Variants in SSBP1 observed in about 807,000 individuals in gnomAD.
The protein encoded by SSBP1 is single stranded DNA binding protein 1, also known as single-stranded DNA-binding protein, mitochondrial.
A neutral mutation model predicts 27.0 loss-of-function variants in SSBP1; 20 were observed. The ratio of observed to expected loss-of-function variants is 0.74; its 90% confidence interval spans 0.52 to 1.08. The LOEUF (loss-of-function observed/expected upper bound fraction) is 1.08, where lower values mean the gene tolerates loss of function less well. Among genes scored for constraint, SSBP1 ranks in the 50% least tolerant of loss-of-function variants. The pLI is 0.00. For synonymous variants in SSBP1, 59 were observed against 59.3 expected (o/e 1.00, Z 0.02); for missense variants, 137 against 182.4 (o/e 0.75, Z 1.44).
chr7:141,744,903 C>G (rs779592929), intron 5 of SSBP1, among the ~76,000 whole-genome samples: 1 of 152,062 alleles, frequency 6.6e-6, no homozygotes, highest in Admixed American at 6.6e-5. Context: ...CTATTGTCAT[C>G]TTTCCACTCT....
intron 3 of SSBP1, among the ~76,000 whole-genome samples, chr7:141,742,893 C>T (rs561447338): frequency 2.0e-5 from 3 of 152,094 alleles, no homozygotes; most frequent in Admixed American, 6.6e-5. Flanking sequence ...CTTGCTCTGT[C>T]GCCCAGGCTG....
chr7:141,746,671 G>C (rs1799802294), intron 6 of SSBP1: 1 of 152,138 alleles, frequency 6.6e-6, no homozygotes, highest in African/African-American at 2.4e-5. Context: ...ACAAAATACA[G>C]TACAACATAG....
intron 3 of SSBP1, among the ~76,000 whole-genome samples, chr7:141,742,737 T>A (rs1799592377): frequency 6.6e-6 from 1 of 152,272 alleles, no homozygotes; most frequent in African/African-American, 2.4e-5. Flanking sequence ...CAACCTCTCC[T>A]TATTCATTCC....
intron 6 of SSBP1, chr7:141,746,555 A>G (rs1190452745): frequency 1.3e-5 from 2 of 152,248 alleles, no homozygotes; most frequent in Non-Finnish European, 2.9e-5. Flanking sequence ...CATGTTGCCC[A>G]GGCTGGTCTC....
intron 2 of SSBP1, chr7:141,741,282 G>A (rs949221994): frequency 6.6e-6 from 1 of 152,272 alleles, no homozygotes; most frequent in Non-Finnish European, 1.5e-5. Flanking sequence ...GCTCCTGTGA[G>A]AATCTAATGC....
intron 5 of SSBP1, among the ~76,000 whole-genome samples, chr7:141,744,644 T>G (rs983200980): frequency 1.3e-5 from 2 of 152,250 alleles, no homozygotes; most frequent in African/African-American, 2.4e-5. Flanking sequence ...AAAAATAATT[T>G]AGCAATCACT....
At chr7:141,742,074 A>T in intron 2 of SSBP1, 95 bp from the exon 3 acceptor site, 3 of 918,222 alleles carry the variant, frequency 3.3e-6, no homozygotes, top group Non-Finnish European at 5.1e-6. Flanking sequence ...TTCAGGAACT[A>T]CTGACTATAT....
intron 1 of SSBP1, chr7:141,738,643 C>G (rs1771720520): frequency 6.6e-6 from 1 of 152,468 alleles, no homozygotes; most frequent in African/African-American, 2.4e-5. Flanking sequence ...GCCCGGGGGT[C>G]TCTACGCTGC....
At chr7:141,747,605 G>A (rs1799831678) in intron 6 of SSBP1, among the ~76,000 whole-genome samples, 1 of 151,586 alleles carries the variant, frequency 6.6e-6, no homozygotes, top group Non-Finnish European at 1.5e-5. Context: ...GGCCAGGCTG[G>A]TCTCGAACTC....
At chr7:141,747,977 A>C (rs1294755719) in intron 6 of SSBP1, among the ~76,000 whole-genome samples, 2 of 147,992 alleles carry the variant, frequency 1.4e-5, no homozygotes, top group Admixed American at 1.3e-4. Context: ...CAGCCTGGGC[A>C]ATAGAGGAAG....
chr7:141,745,761 C>T, intron 6 of SSBP1, 177 bp downstream of exon 6: 1 of 1,337,840 alleles, frequency 7.5e-7, no homozygotes, highest in Non-Finnish European at 9.6e-7. Flanking sequence ...ACATTTATCC[C>T]TTCCTTTAAA....
At chr7:141,738,575 G>C (rs1386521008) in intron 1 of SSBP1, 165 bp downstream of exon 1, 1 of 152,776 alleles carries the variant, frequency 6.5e-6, no homozygotes, top group African/African-American at 2.4e-5. Flanking sequence ...TCGGTTTTCA[G>C]GTGGTGGCGC....
chr7:141,738,781 A>G (rs1444689643), intron 1 of SSBP1: 1 of 177,688 alleles, frequency 5.6e-6, no homozygotes, highest in East Asian at 1.5e-4. Context: ...AAGTTTAGAA[A>G]ATGGCAGTGA....
intron 6 of SSBP1, among the ~76,000 whole-genome samples, chr7:141,747,739 C>T (rs1799835993): frequency 6.6e-6 from 1 of 151,190 alleles, no homozygotes; most frequent in Admixed American, 6.6e-5. Flanking sequence ...TGGCTCACGC[C>T]TGTAATCCCA....
chr7:141,744,798 T>C lies in SSBP1; in HGVS notation c.315-698T>C, dbSNP rs78021759. 3.1e-3 allele frequency among the ~76,000 whole-genome samples: 474 copies of C among 152,304 alleles called. 4 individuals carry two copies. The highest frequency in any genetic ancestry group is 0.011 in the African/African-American group (461 of 41,552). On this transcript the variant is annotated intron_variant, in intron 5 of 6. Coordinates refer to ENST00000265304, the MANE Select transcript of SSBP1 (RefSeq NM_003143.3). ...AAGTGTCTGCACTCCCACTTACTGA[T>C]TGATGGGTGTGTGTGTGGGGTGGGG...
At chr7:141,740,608 T>A (rs1799490005) in intron 2 of SSBP1, 1 of 152,188 alleles carries the variant, frequency 6.6e-6, no homozygotes, top group South Asian at 2.1e-4. Flanking sequence ...AATAGATAAA[T>A]CCCTTAGCTG....
At chr7:141,746,089 C>A (rs1296587371) in intron 6 of SSBP1, 1 of 502,042 alleles carries the variant, frequency 2.0e-6, no homozygotes, top group Non-Finnish European at 2.6e-6. Context: ...GGCACAATCT[C>A]GGCTCATTGC....
chr7:141,746,221 A>G (rs1216899015), intron 6 of SSBP1: 3 of 153,812 alleles, frequency 2.0e-5, no homozygotes, highest in African/African-American at 7.2e-5. Flanking sequence ...GGGTTTCACC[A>G]TGTTGGTCAG....
intron 2 of SSBP1, chr7:141,741,904 AAAAT>A (rs1292178830): frequency 1.5e-6 from 1 of 671,926 alleles, no homozygotes; most frequent in Admixed American, 4.2e-5. Flanking sequence ...GAGATGTCGC[AAAAT>A]AAATGGGAGT....
Sources: gnomAD v4.1 joint callset for allele counts (sites outside exome capture counted in the v4.1 genomes callset) on GRCh38, gnomAD v4.1.1 for gene constraint, MANE v1.5 for transcripts, NCBI Gene and HGNC (gene_info 2026-07-23, HGNC 2026-07-21) for gene names.